The following NBAS variants were observed in gnomAD, a reference collection of about 807,000 sequenced individuals.
NBAS encodes NAG/BC035112 fusion.
Under a neutral mutation model 302.5 loss-of-function variants are expected in NBAS, and 219 were observed. That is an observed-to-expected ratio of 0.72 (90% CI 0.65 to 0.81). The LOEUF is 0.81. Ranked by LOEUF, NBAS falls within the 30% of genes least tolerant of loss-of-function variation. The probability of loss-of-function intolerance (pLI) is 0.00; values close to 1 mark genes in which losing one functional copy is unlikely to be tolerated. For missense variants in NBAS, 2,932 were observed against 2,841.6 expected, an observed-to-expected ratio of 1.03 and a Z score of -0.72; for synonymous variants, 1,118 against 1,021.6, an observed-to-expected ratio of 1.09 and a Z score of -1.80.
the NBAS span, among the ~76,000 whole-genome samples, chr2:14,896,370 T>C: frequency 4.6e-5 from 7 of 152,198 alleles, no homozygotes; most frequent in Non-Finnish European, 8.8e-5. Context: ...AATTTGATAA[T>C]TGACTGCTTG....
At chr2:15,493,125 A>G (rs150250632) in intron 11 of NBAS, among the ~76,000 whole-genome samples, 18 of 152,134 alleles carry the variant, frequency 1.2e-4, no homozygotes, top group Admixed American at 2.6e-4. Flanking sequence ...CCCTCGTTCT[A>G]TCTCCTTCCT....
In NBAS at chr2:15,443,411, G is replaced by A. The variant is rs368591155; in HGVS notation, c.2340-15617C>T. Among the ~76,000 whole-genome samples the A allele has an allele frequency of 7.4e-3, 1,121 of 150,764 alleles. 15 individuals carry two copies. Among genetic ancestry groups the A allele is most frequent in the East Asian group, 0.032 (159 of 4,896 alleles). Reference sequence around the variant, plus strand: ...AACCAAAGACAAAAACCACATGATTGTCTCAACAGATGCAGAAAAGACCTT... The same window carrying A: ...AACCAAAGACAAAAACCACATGATTATCTCAACAGATGCAGAAAAGACCTT... On this transcript the variant is annotated intron_variant, in intron 21 of 51. Transcript: ENST00000281513.
chr2:15,039,737 C>T, the NBAS span, among the ~76,000 whole-genome samples: 2 of 152,172 alleles, frequency 1.3e-5, no homozygotes, highest in Admixed American at 1.3e-4. Flanking sequence ...AGTCTCAGCT[C>T]GGACACCCCA....
intron 9 of NBAS, among the ~76,000 whole-genome samples, chr2:15,519,402 C>G (rs1662554115): frequency 1.3e-5 from 2 of 152,050 alleles, no homozygotes; most frequent in South Asian, 4.2e-4. Context: ...GAATCCACCA[C>G]AAGTTCTCAT....
chr2:15,009,090 G>T, the NBAS span, among the ~76,000 whole-genome samples: 1 of 152,316 alleles, frequency 6.6e-6, no homozygotes, highest in East Asian at 1.9e-4. Flanking sequence ...CTGTGAGAAT[G>T]CTGAACTACC....
At chr2:15,521,743 C>A (rs139835887) in intron 9 of NBAS, among the ~76,000 whole-genome samples, 7 of 152,150 alleles carry the variant, frequency 4.6e-5, no homozygotes, top group African/African-American at 1.7e-4. Context: ...CAGAAATTTA[C>A]ACATGCCTAG....
At chr2:14,991,188 A>G in the NBAS span, among the ~76,000 whole-genome samples, 5 of 152,176 alleles carry the variant, frequency 3.3e-5, no homozygotes, top group Admixed American at 3.3e-4. Context: ...AGTGATACCC[A>G]GCTCTAGTCA....
chr2:15,056,833 C>CT, the NBAS span, among the ~76,000 whole-genome samples: 144 of 126,060 alleles, frequency 1.1e-3, no homozygotes, highest in East Asian at 5.0e-3. Flanking sequence ...TTTTTTTTTT[C>CT]TTTTTTTTTT....
the NBAS span, among the ~76,000 whole-genome samples, chr2:15,111,809 A>G: frequency 6.6e-6 from 1 of 151,118 alleles, no homozygotes; most frequent in African/African-American, 2.4e-5. Context: ...TTAAAATAAT[A>G]GAAGAGGGAC....
the NBAS span, among the ~76,000 whole-genome samples, chr2:14,784,147 T>G: frequency 2.0e-5 from 3 of 152,314 alleles, no homozygotes; most frequent in African/African-American, 7.2e-5. Flanking sequence ...TCATGTCCTT[T>G]GCCCACTTTT....
the NBAS span, among the ~76,000 whole-genome samples, chr2:14,832,464 T>C: frequency 6.6e-6 from 1 of 152,126 alleles, no homozygotes; most frequent in South Asian, 2.1e-4. Context: ...GTATCTTCCA[T>C]TATAAAATTC....
rs1399792012 is a variant in NBAS at position 15,391,388 on chromosome 2, A to G, written c.3257+2839T>C. Among the ~76,000 whole-genome samples the G allele has an allele frequency of 3.9e-5, 6 of 152,116 alleles. No individual in the cohort carries two copies. In the East Asian group the frequency reaches 1.2e-3, roughly 29 times the overall value. ...TGAACTCTTAGAGATTAAAAAAAAA[A>G]CTCTTAATGAAAAATATAATGAATG... On this transcript the variant is annotated intron_variant, in intron 28 of 51. Coordinates refer to ENST00000281513, the MANE Select transcript of NBAS (RefSeq NM_015909.4).
chr2:15,219,092 A>G, intron 47 of NBAS, 124 bp from the exon 48 acceptor site: 1 of 1,210,736 alleles, frequency 8.3e-7, no homozygotes, highest in African/African-American at 1.5e-5. Context: ...TTTCCTCTTG[A>G]AAGGAAAAAT....
At chr2:14,843,068 A>C in the NBAS span, among the ~76,000 whole-genome samples, 2 of 152,156 alleles carry the variant, frequency 1.3e-5, no homozygotes, top group African/African-American at 4.8e-5. Flanking sequence ...GTAGAAACTA[A>C]ATTAGTATTT....
chr2:15,341,604 T>A (rs1672856604), intron 35 of NBAS, among the ~76,000 whole-genome samples: 1 of 151,940 alleles, frequency 6.6e-6, no homozygotes, highest in Non-Finnish European at 1.5e-5. Flanking sequence ...TATTTTAAAA[T>A]ATAAAAAATA....
chr2:15,549,500 G>A (rs930130827), intron 6 of NBAS, among the ~76,000 whole-genome samples: 29 of 151,420 alleles, frequency 1.9e-4, no homozygotes, highest in Middle Eastern at 3.5e-3. Flanking sequence ...AGGCCAAGGC[G>A]GGAGGATCAC....
rs1193940631 is a variant in NBAS at position 15,474,265 on chromosome 2, A to T, written c.1401T>A (p.Asp467Glu). Reference protein sequence around the residue: ...SRLETRAGEEDEGEEDSDSDY... With the variant: ...SRLETRAGEEEEGEEDSDSDY... ...CAGAATCAGAATCCTCTTCTCCTTC[A>T]TCTTCTTCTCCAGCTCTAGTCTCCA... Residue 467 changes from aspartate (D) to glutamate (E), a missense_variant, in exon 15 of 52, where the codon GAT (aspartate) becomes GAA (glutamate). By Grantham distance (45) the Asp-to-Glu change is conservative. Transcript: ENST00000281513. 2 of 1,613,920 alleles carry T rather than the reference A, an allele frequency of 1.2e-6. No homozygotes were observed. Among genetic ancestry groups the T allele is most frequent in the Middle Eastern group, 1.6e-4 (1 of 6,062 alleles).
At chr2:15,230,161 G>A (rs181415772) in intron 47 of NBAS, among the ~76,000 whole-genome samples, 1 of 152,174 alleles carries the variant, frequency 6.6e-6, no homozygotes, top group East Asian at 1.9e-4. Flanking sequence ...TCATGCCAAG[G>A]AATGAATAAC....
At chr2:15,041,925 A>G in the NBAS span, among the ~76,000 whole-genome samples, 1 of 152,194 alleles carries the variant, frequency 6.6e-6, no homozygotes, top group South Asian at 2.1e-4. Context: ...TTGAGAGCAC[A>G]CGTTCCCAAG....
Sources: allele counts gnomAD v4.1 joint callset (sites outside exome capture counted in the v4.1 genomes callset), GRCh38; gene constraint gnomAD v4.1.1; transcripts MANE v1.5; gene names NCBI Gene and HGNC (gene_info 2026-07-23, HGNC 2026-07-21).